CLDN14: variants seen among roughly 807,000 people sequenced by gnomAD.
The protein encoded by CLDN14 is claudin 14, also known as claudin-14.
In CLDN14, 2 loss-of-function variants were observed where a neutral mutation model predicts 2.1. The ratio of observed to expected loss-of-function variants is 0.96; its 90% confidence interval spans 0.39 to 3.01. The LOEUF (loss-of-function observed/expected upper bound fraction) is 3.01, where lower values mean the gene tolerates loss of function less well. Ranked by LOEUF, CLDN14 falls within the 30% of genes most tolerant of loss-of-function variation. The pLI, the probability that CLDN14 is intolerant of heterozygous loss-of-function variation, is 0.09. For missense variants in CLDN14, 298 were observed against 328.0 expected (o/e 0.91, Z 0.71); for synonymous variants, 136 against 154.4 (o/e 0.88, Z 0.88).
At chr21:36,523,818 A>AG (rs1491429343) in intron 1 of CLDN14, among the ~76,000 whole-genome samples, 1 of 146,210 alleles carries the variant, frequency 6.8e-6, no homozygotes, top group African/African-American at 2.7e-5. Flanking sequence ...AAAGAAAGAA[A>AG]GAAAGAAAGA....
At chr21:36,505,309 A>G (rs538123657) in intron 2 of CLDN14, among the ~76,000 whole-genome samples, 5 of 152,298 alleles carry the variant, frequency 3.3e-5, no homozygotes, top group African/African-American at 1.2e-4. Context: ...GGTCCATAAT[A>G]GATTGGAATT....
At chr21:36,550,242 C>T (rs762478315) in intron 1 of CLDN14, among the ~76,000 whole-genome samples, 3 of 152,144 alleles carry the variant, frequency 2.0e-5, no homozygotes, top group South Asian at 2.1e-4. Context: ...GCTTTAAGTT[C>T]GCTGCATTAA....
rs576313937 is a variant in CLDN14, at chr21:36,537,676, G to A, written c.-219-27176C>T. Among the ~76,000 whole-genome samples, 40 of 148,324 alleles carry A rather than the reference G, an allele frequency of 2.7e-4. No individual in the cohort carries two copies. In the South Asian group the frequency reaches 8.5e-3, roughly 32 times the overall value. ...CTTTTCTTTTTTTTTTTGAGACGGA[G>A]TCTCGCTCTGTCACCCAGGCTGGAG... On this transcript the variant is annotated intron_variant, in intron 1 of 2. Coordinates refer to the CLDN14 transcript ENST00000342108.
rs1267379266 is a variant in CLDN14 at position 36,551,353 on chromosome 21, C to T, written c.-220+25058G>A. On this transcript the variant is annotated intron_variant, in intron 1 of 2. Transcript: ENST00000342108. This position sits in a 1 kb window ranked among gnomAD's most constrained non-coding sequence, Gnocchi z 4.8. ...CGGACAGGATTTATTCCTGGAGCCT[C>T]TGCCTCCCGTAAGCTGGCGGGCAGA... 6.6e-6 allele frequency among the ~76,000 whole-genome samples: 1 copy of T among 152,226 alleles called. No homozygotes were observed. Among genetic ancestry groups the T allele is most frequent in the East Asian group, 1.9e-4 (1 of 5,184 alleles).
chr21:36,565,419 A>ATC (rs961885017), intron 1 of CLDN14, among the ~76,000 whole-genome samples: 4 of 62,916 alleles, frequency 6.4e-5, no homozygotes, highest in South Asian at 5.4e-4. Context: ...TTTTTCCCAA[A>ATC]TCTTTTTTTT....
intron 1 of CLDN14, among the ~76,000 whole-genome samples, chr21:36,479,016 C>T (rs929597343): frequency 6.6e-6 from 1 of 152,056 alleles, no homozygotes; most frequent in African/African-American, 2.4e-5. Flanking sequence ...TGTTGGAGGG[C>T]AGGGGTGTAT....
intron 1 of CLDN14, among the ~76,000 whole-genome samples, chr21:36,571,029 A>G (rs373165834): frequency 9.2e-5 from 14 of 152,194 alleles, no homozygotes; most frequent in African/African-American, 3.4e-4. Context: ...TTTAGTAGAG[A>G]CAGGGTTTCA....
At chr21:36,523,437 T>C (rs1021517424) in intron 1 of CLDN14, among the ~76,000 whole-genome samples, 53 of 152,144 alleles carry the variant, frequency 3.5e-4, no homozygotes, top group African/African-American at 1.2e-3. Context: ...ATCTAGGAAG[T>C]TTCCCAGTTT....
At chr21:36,483,575 C>G (rs73902538), upstream of CLDN14, among the ~76,000 whole-genome samples, 9,866 of 152,274 alleles carry the variant, frequency 0.065, 409 homozygotes, top group East Asian at 0.17. Flanking sequence ...ACCAGGGTTT[C>G]TTCTTTCTCC....
At position 36,461,419 on chromosome 21, in the gene CLDN14, T is replaced by A. The variant is rs780444223; in HGVS notation, c.277A>T (p.Ile93Leu). Residue 93 changes from isoleucine (I) to leucine (L), a missense_variant, in exon 2 of 2, where the codon ATA becomes TTA. Physicochemically the swap from Ile to Leu is conservative, Grantham distance 5. Coordinates refer to ENST00000399135, the MANE Select transcript of CLDN14 (RefSeq NM_001146079.2). ...LMVISCLLSG[I>L]ACACAVIGMK... ...CCGATGACGGCGCAGGCGCAGGCTATGCCCGAGAGCAGGCAGGAGATGACC... is the reference window on the plus strand; with the variant it reads ...CCGATGACGGCGCAGGCGCAGGCTAAGCCCGAGAGCAGGCAGGAGATGACC... 1 of 1,613,264 alleles carries A rather than the reference T, an allele frequency of 6.2e-7. No individual in the cohort carries two copies. Among genetic ancestry groups the A allele is most frequent in the Non-Finnish European group, 8.5e-7 (1 of 1,179,982 alleles).
intron 1 of CLDN14, among the ~76,000 whole-genome samples, chr21:36,525,330 G>A (rs1004219582): frequency 1.3e-4 from 19 of 151,952 alleles, no homozygotes; most frequent in African/African-American, 4.4e-4. Flanking sequence ...GAAGGTGAAC[G>A]CCATGCTGAG....
upstream of CLDN14, among the ~76,000 whole-genome samples, chr21:36,483,313 G>A (rs570199479): frequency 1.2e-3 from 181 of 152,366 alleles, no homozygotes; most frequent in African/African-American, 3.9e-3. Flanking sequence ...GAGCGAGCCC[G>A]GTCCAGTGCT....
chr21:36,554,223 A>AC (rs1028079258), intron 1 of CLDN14, among the ~76,000 whole-genome samples: 4 of 151,542 alleles, frequency 2.6e-5, no homozygotes, highest in Non-Finnish European at 4.4e-5. Context: ...CAGCATCCCA[A>AC]CCCCCCCAGG....
At chr21:36,474,632 A>G (rs1461172107) in intron 1 of CLDN14, among the ~76,000 whole-genome samples, 1 of 152,208 alleles carries the variant, frequency 6.6e-6, no homozygotes, top group Admixed American at 6.5e-5. Context: ...AACAACACCG[A>G]TAACAAAAAA....
At chr21:36,556,445 G>T (rs1371371585) in intron 1 of CLDN14, among the ~76,000 whole-genome samples, 1 of 152,168 alleles carries the variant, frequency 6.6e-6, no homozygotes, top group Non-Finnish European at 1.5e-5. Flanking sequence ...CTTTATGGGG[G>T]TGGTAGGAAG....
At chr21:36,557,966 A>C (rs1157348015) in intron 1 of CLDN14, among the ~76,000 whole-genome samples, 2 of 152,192 alleles carry the variant, frequency 1.3e-5, no homozygotes, top group Non-Finnish European at 2.9e-5. Context: ...ATGGTTCAAG[A>C]TAATGGTCCA....
rs369936139 is a variant in CLDN14 at position 36,499,746 on chromosome 21, G to A, written c.-82+10617C>T. 7.7e-4 allele frequency among the ~76,000 whole-genome samples: 117 copies of A among 152,240 alleles called. No individual in the cohort carries two copies. In the South Asian group the frequency reaches 0.018, roughly 24 times the overall value. On this transcript the variant is annotated intron_variant, in intron 2 of 2. Transcript: ENST00000342108. The surrounding 1 kb of genome is among the most constrained non-coding windows in gnomAD (Gnocchi z 4.7). ...TGGACTACAGAGCCAAAGACAAATC[G>A]AGTGACGTATTCTAGCTCATGGAGC...
chr21:36,524,414 G>A (rs1313392137), intron 1 of CLDN14, among the ~76,000 whole-genome samples: 1 of 152,108 alleles, frequency 6.6e-6, no homozygotes, highest in Non-Finnish European at 1.5e-5. Flanking sequence ...GAGCCACGGC[G>A]CCTGGCCTGC....
chr21:36,555,382 C>T (rs968795786), intron 1 of CLDN14, among the ~76,000 whole-genome samples: 4 of 152,236 alleles, frequency 2.6e-5, no homozygotes, highest in African/African-American at 7.2e-5. Flanking sequence ...GTTCGGCTCC[C>T]GTGCCCTGCA....
Sources: allele counts gnomAD v4.1 joint callset (sites outside exome capture counted in the v4.1 genomes callset), GRCh38; gene constraint gnomAD v4.1.1; non-coding constraint Gnocchi (gnomAD v3.1); transcripts MANE v1.5; gene names NCBI Gene and HGNC (gene_info 2026-07-23, HGNC 2026-07-21).